The following IL1R2 variants were observed in gnomAD, a reference collection of about 807,000 sequenced individuals.
IL1R2 encodes the protein interleukin 1 receptor type 2, also known as interleukin-1 receptor type 2.
IL1R2 carries 46 observed loss-of-function variants against 39.5 expected under a neutral mutation model. That is an observed-to-expected ratio of 1.16 (90% CI 0.92 to 1.49). The LOEUF (loss-of-function observed/expected upper bound fraction) is 1.49. Among genes scored for constraint, IL1R2 ranks in the 40% most tolerant of loss-of-function variants. IL1R2 has a pLI of 0.00. For synonymous variants in IL1R2, 207 were observed against 189.6 expected, an observed-to-expected ratio of 1.09 and a Z score of -0.75; for missense variants, 537 against 502.0, an observed-to-expected ratio of 1.07 and a Z score of -0.67.
chr2:102,020,893 G>C (rs1677339855), intron 5 of IL1R2, among the ~76,000 whole-genome samples: 1 of 152,166 alleles, frequency 6.6e-6, no homozygotes, highest in Non-Finnish European at 1.5e-5. Flanking sequence ...TCATCACCTG[G>C]GTACTCAACA....
chr2:102,011,076 C>G (rs1676600859), intron 3 of IL1R2, among the ~76,000 whole-genome samples: 1 of 152,140 alleles, frequency 6.6e-6, no homozygotes, highest in Non-Finnish European at 1.5e-5. Context: ...AGTTTCCTTC[C>G]TTTATGAGGT....
At chr2:102,006,083 C>A (rs1676243657) in intron 1 of IL1R2, among the ~76,000 whole-genome samples, 1 of 152,188 alleles carries the variant, frequency 6.6e-6, no homozygotes, top group Non-Finnish European at 1.5e-5. Context: ...CCTAAAACAC[C>A]AGCTTTGACT....
chr2:102,022,227 C>CAAGA lies in IL1R2; in HGVS notation c.730_733dup (p.Thr245LysfsTer16), dbSNP rs1209999955. 6.2e-7 allele frequency: 1 copy of CAAGA among 1,613,706 alleles called. No individual in the cohort carries two copies. Among genetic ancestry groups the CAAGA allele is most frequent in the African/African-American group, 1.3e-5 (1 of 74,936 alleles). ...CCATTCCTGTGATCATTTCCCCCCT[C>CAAGA]AAGACCATATCAGCTTCTCTGGGTA... On this transcript the variant is annotated frameshift_variant, in exon 6 of 9. Coordinates refer to ENST00000332549, the MANE Select transcript of IL1R2 (RefSeq NM_004633.4). LOFTEE classifies it high-confidence loss of function.
chr2:101,995,836 G>A (rs1675560777), intron 1 of IL1R2, among the ~76,000 whole-genome samples: 3 of 152,192 alleles, frequency 2.0e-5, no homozygotes, highest in Admixed American at 6.5e-5. Context: ...GCAGTGGGAC[G>A]CCCATTGTTT....
At chr2:102,022,147 G>A in intron 5 of IL1R2, 40 bp from the exon 6 acceptor site, 1 of 1,535,290 alleles carries the variant, frequency 6.5e-7, no homozygotes, top group South Asian at 1.1e-5. Context: ...TCAAATGAAG[G>A]CTTTCCTAAC....
In IL1R2 at chr2:102,022,268, A is replaced by G. The variant is rs373351875; in HGVS notation, c.751+19A>G. On this transcript the variant is annotated intron_variant, in intron 6 of 8. Transcript: ENST00000332549. ...TCTCTGGGTAAGGCCCACAAGGACCATGCATTCCACGCACCTGTGGGGGTG... is the reference window on the plus strand; with the variant it reads ...TCTCTGGGTAAGGCCCACAAGGACCGTGCATTCCACGCACCTGTGGGGGTG... 2.5e-6 allele frequency: 4 copies of G among 1,606,422 alleles called. No individual in the cohort carries two copies. The highest frequency in any genetic ancestry group is 2.2e-5 in the East Asian group (1 of 44,846).
At chr2:102,025,797 A>G (rs1165615857) in intron 7 of IL1R2, among the ~76,000 whole-genome samples, 1 of 152,058 alleles carries the variant, frequency 6.6e-6, no homozygotes, top group Non-Finnish European at 1.5e-5. Flanking sequence ...TGTTCCCATG[A>G]CTGTTTTTTT....
intron 3 of IL1R2, among the ~76,000 whole-genome samples, chr2:102,015,206 G>T (rs1207719662): frequency 6.6e-6 from 1 of 152,160 alleles, no homozygotes; most frequent in African/African-American, 2.4e-5. Flanking sequence ...TGGAGTATGC[G>T]GGGGCTGGGC....
chr2:101,996,908 G>T (rs1457681786), intron 1 of IL1R2, among the ~76,000 whole-genome samples: 1 of 126,768 alleles, frequency 7.9e-6, no homozygotes, highest in Admixed American at 7.5e-5. Context: ...TCCCACTAGG[G>T]CAGGGGAATT....
At chr2:102,008,699 G>T (rs1676421923) in intron 2 of IL1R2, 57 bp downstream of exon 2, 1 of 1,429,068 alleles carries the variant, frequency 7.0e-7, no homozygotes, top group Non-Finnish European at 9.9e-7. Context: ...GCTGGGGAAA[G>T]ATGTTATCTA....
At chr2:101,992,419 G>GA in intron 1 of IL1R2, among the ~76,000 whole-genome samples, 1 of 140,946 alleles carries the variant, frequency 7.1e-6, no homozygotes, top group East Asian at 2.2e-4. Context: ...ACAGAGAGAG[G>GA]CAGAGAGACA....
chr2:102,016,810 C>A (rs1677031224), intron 4 of IL1R2, among the ~76,000 whole-genome samples: 1 of 152,098 alleles, frequency 6.6e-6, no homozygotes, highest in African/African-American at 2.4e-5. Flanking sequence ...AGATGACACC[C>A]CTTTATATAA....
intron 3 of IL1R2, among the ~76,000 whole-genome samples, chr2:102,013,551 AAGGAAAG>A (rs1676779548): frequency 1.2e-4 from 14 of 119,594 alleles, no homozygotes; most frequent in African/African-American, 1.5e-4. Flanking sequence ...AAAAAAAAAA[AAGGAAAG>A]AAAGAAAAGA....
chr2:102,008,352 C>T (rs537224185), intron 1 of IL1R2, among the ~76,000 whole-genome samples, 163 bp from the exon 2 acceptor site: 24 of 152,356 alleles, frequency 1.6e-4, no homozygotes, highest in African/African-American at 5.8e-4. Flanking sequence ...AATATAGCTG[C>T]AGAGAAACAA....
At chr2:102,010,235 T>C in intron 3 of IL1R2, 1 of 173,628 alleles carries the variant, frequency 5.8e-6, no homozygotes, top group East Asian at 1.6e-4. Context: ...TGAAGCCACA[T>C]GGTAAGGAAC....
At chr2:102,016,256 T>C in intron 4 of IL1R2, 1 of 490,444 alleles carries the variant, frequency 2.0e-6, no homozygotes, top group East Asian at 3.2e-5. Context: ...AATAAACAAA[T>C]AAAATAACAG....
At chr2:102,011,391 C>T (rs1676622752) in intron 3 of IL1R2, among the ~76,000 whole-genome samples, 1 of 152,242 alleles carries the variant, frequency 6.6e-6, no homozygotes, top group Non-Finnish European at 1.5e-5. Context: ...TACTCACCAA[C>T]ACATGTTATT....
intron 1 of IL1R2, 40 bp from the exon 2 acceptor site, chr2:102,008,475 G>C (rs916556442): frequency 4.6e-6 from 4 of 872,842 alleles, no homozygotes; most frequent in Non-Finnish European, 5.9e-6. Context: ...CTCTCTGCAG[G>C]GTTCTTGGTT....
intron 1 of IL1R2, among the ~76,000 whole-genome samples, chr2:101,993,069 C>T (rs1179562204): frequency 6.6e-6 from 1 of 152,146 alleles, no homozygotes; most frequent in African/African-American, 2.4e-5. Context: ...CCCGTTTCTA[C>T]CGCATGAGGC....
Sources: gnomAD v4.1 joint callset for allele counts (sites outside exome capture counted in the v4.1 genomes callset) on GRCh38, gnomAD v4.1.1 for gene constraint, MANE v1.5 for transcripts, NCBI Gene and HGNC (gene_info 2026-07-23, HGNC 2026-07-21) for gene names.